ABCF2: variants seen among roughly 807,000 people sequenced by gnomAD.
ABCF2 encodes ATP-binding cassette sub-family F member 2.
In ABCF2, 37 loss-of-function variants were observed where a neutral mutation model predicts 76.9. The observed-to-expected ratio is 0.48, with a 90% CI of 0.37 to 0.63. The LOEUF (loss-of-function observed/expected upper bound fraction) is 0.63. Ranked by LOEUF, ABCF2 falls within the 30% of genes least tolerant of loss-of-function variation. The probability of loss-of-function intolerance (pLI) is 0.00; values close to 1 mark genes in which losing one functional copy is unlikely to be tolerated. For missense variants in ABCF2, 524 were observed against 782.1 expected, an observed-to-expected ratio of 0.67 and a Z score of 3.94; for synonymous variants, 299 against 283.7, an observed-to-expected ratio of 1.05 and a Z score of -0.54.
intron 5 of ABCF2, 128 bp downstream of exon 5, chr7:151,223,550 A>T (rs1802314465): frequency 9.1e-7 from 1 of 1,095,066 alleles, no homozygotes. Context: ...CCCCCTCCAC[A>T]CTGCAGATGT....
intron 5 of ABCF2, 132 bp downstream of exon 5, chr7:151,223,546 C>A: frequency 9.3e-7 from 1 of 1,075,282 alleles, no homozygotes; most frequent in Admixed American, 2.9e-5. Context: ...ACAACCCCCT[C>A]CACACTGCAG....
intron 11 of ABCF2, among the ~76,000 whole-genome samples, chr7:151,217,257 CTCAT>C (rs1305640806): frequency 6.6e-6 from 1 of 152,178 alleles, no homozygotes; most frequent in Non-Finnish European, 1.5e-5. Context: ...CACACCCGCA[CTCAT>C]TCAGACTGGA....
intron 6 of ABCF2, among the ~76,000 whole-genome samples, chr7:151,222,290 T>G (rs1241354587): frequency 6.7e-6 from 1 of 149,746 alleles, no homozygotes. Flanking sequence ...CCAACAAGGA[T>G]TTTTTTTAAA....
chr7:151,214,237 T>C lies in ABCF2; in HGVS notation c.1735-46A>G, dbSNP rs1366881720. On this transcript the variant is annotated intron_variant, in intron 14 of 14. Transcript: ENST00000287844. The surrounding 1 kb of genome is among the most constrained non-coding windows in gnomAD (Gnocchi z 4.9). ...TTAATCCTGGGCTAGTCACTGTCCC[T>C]GCCTCTGCCCAGCAGACTGTCCTGA... 1.9e-6 allele frequency: 3 copies of C among 1,613,884 alleles called. No individual in the cohort carries two copies. The highest frequency in any genetic ancestry group is 2.5e-6 in the Non-Finnish European group (3 of 1,179,888).
Position 151,211,823 on chromosome 7 carries a change from C to T in ABCF2, c.*2231G>A. The T allele has an allele frequency of 9.1e-6, 9 of 985,418 alleles. No homozygotes were observed. Among genetic ancestry groups the T allele is most frequent in the Non-Finnish European group, 1.1e-5 (9 of 829,912 alleles). 61.0% of individuals were successfully genotyped at this position (985,418 alleles called of 1,614,324 possible). A position where few individuals can be genotyped will look rare whatever the true frequency, so the allele number is the denominator to read the frequency against. ...GGCCCCACTTAAGGCATAAAGCAGTCAAGCCAGTACCCTCTGGGGTCAGAG... is the reference window on the plus strand; with the variant it reads ...GGCCCCACTTAAGGCATAAAGCAGTTAAGCCAGTACCCTCTGGGGTCAGAG... On this transcript the variant is annotated 3_prime_UTR_variant, in exon 15 of 15. Transcript: ENST00000287844.
Position 151,225,003 on chromosome 7 carries a change from G to C in ABCF2, c.155-15C>G, listed in dbSNP as rs191086574. On this transcript the variant is annotated splice_polypyrimidine_tract_variant and intron_variant, in intron 2 of 14. Transcript: ENST00000287844. ...CAAATCTACTTCTGCGGATAGAAAA[G>C]CAGTTTGGGAAGATGGCGTGAGACA... 1.2e-6 allele frequency: 2 copies of C among 1,612,696 alleles called. No individual in the cohort carries two copies.
chr7:151,213,479 C>T lies in ABCF2; in HGVS notation c.*575G>A. ...GTTGGCACTGCAGGGAGGAGAAGGC[C>T]CCAGAGACCCGAGAAGGAAGGTAGG... On this transcript the variant is annotated 3_prime_UTR_variant, in exon 15 of 15. Transcript: ENST00000287844. 1.0e-6 allele frequency: 1 copy of T among 985,754 alleles called. No homozygotes were observed. The highest frequency in any genetic ancestry group is 1.2e-6 in the Non-Finnish European group (1 of 830,248). The allele number at this position is 985,754 out of a possible 1,614,324, so 61.1% of individuals were successfully genotyped here.
At chr7:151,216,482 T>C (rs1453568512) in intron 11 of ABCF2, among the ~76,000 whole-genome samples, 1 of 152,218 alleles carries the variant, frequency 6.6e-6, no homozygotes, top group Non-Finnish European at 1.5e-5. Context: ...TCCTGCAGCA[T>C]TTTTGGTCAC....
chr7:151,220,387 CAAAA>C (rs10706364), intron 7 of ABCF2, among the ~76,000 whole-genome samples: 5 of 82,494 alleles, frequency 6.1e-5, no homozygotes, highest in African/African-American at 1.9e-4. Context: ...GACTCCAGCT[CAAAA>C]AAAAAAAAAA....
chr7:151,216,679 T>C (rs1802158346), intron 11 of ABCF2, among the ~76,000 whole-genome samples: 1 of 152,098 alleles, frequency 6.6e-6, no homozygotes, highest in Non-Finnish European at 1.5e-5. Flanking sequence ...CTGGCTAATT[T>C]TTTTTTTGCA....
Position 151,222,631 on chromosome 7 carries a change from A to G in ABCF2, c.723-15T>C. The G allele has an allele frequency of 6.2e-7, 1 of 1,604,108 alleles. No individual in the cohort carries two copies. The highest frequency in any genetic ancestry group is 8.5e-7 in the Non-Finnish European group (1 of 1,171,548). The stretch of plus-strand genomic sequence containing the variant: ...TAAAGAGGGCTCTGAAGGACGGTAA[A>G]GGAGACAGAAGCACCTCAGAATTAT... On this transcript the variant is annotated splice_polypyrimidine_tract_variant and intron_variant, in intron 5 of 14. Coordinates refer to ENST00000287844, the MANE Select transcript of ABCF2 (RefSeq NM_007189.3).
Position 151,222,686 on chromosome 7 carries a change from T to C in ABCF2, c.723-70A>G, listed in dbSNP as rs1403549415. On this transcript the variant is annotated intron_variant, in intron 5 of 14. Coordinates refer to ENST00000287844, the MANE Select transcript of ABCF2 (RefSeq NM_007189.3). Reference sequence around the variant, plus strand: ...GATGTGACACAGGACGGGACAAACTTGCCTGCTACATGCAATTCTGAGTAG... The same window carrying C: ...GATGTGACACAGGACGGGACAAACTCGCCTGCTACATGCAATTCTGAGTAG... 5 of 1,315,312 alleles carry C rather than the reference T, an allele frequency of 3.8e-6. No individual in the cohort carries two copies. In the South Asian group the frequency reaches 5.0e-5, roughly 13 times the overall value. The allele number at this position is 1,315,312 out of a possible 1,614,324, so 81.5% of individuals were successfully genotyped here.
rs1584843165 is a variant in ABCF2, at chr7:151,220,667, T to C, written c.921+911A>G. Among the ~76,000 whole-genome samples, 6 of 152,190 alleles carry C rather than the reference T, an allele frequency of 3.9e-5. 1 individual carries two copies. In the South Asian group the frequency reaches 1.2e-3, roughly 32 times the overall value. On this transcript the variant is annotated intron_variant, in intron 7 of 14. Transcript: ENST00000287844. ...GGTGGGGTAAATGTGTAGACTCCAGTGAAGCAGAATTAAGAAGGCATTCAA... is the reference window on the plus strand; with the variant it reads ...GGTGGGGTAAATGTGTAGACTCCAGCGAAGCAGAATTAAGAAGGCATTCAA...
intron 11 of ABCF2, among the ~76,000 whole-genome samples, chr7:151,216,593 C>T (rs568337610): frequency 3.9e-4 from 59 of 152,250 alleles, no homozygotes; most frequent in Middle Eastern, 3.4e-3. Flanking sequence ...GGCGAGATCT[C>T]GACTAACTGC....
At chr7:151,224,210 A>ATT (rs878980435) in intron 3 of ABCF2, 96 bp from the exon 4 acceptor site, 1,285 of 989,330 alleles carry the variant, frequency 1.3e-3, no homozygotes, top group African/African-American at 1.9e-3. Flanking sequence ...GACCTCATCC[A>ATT]TTTTTTTTTT....
chr7:151,218,911 C>A (rs759497008), intron 8 of ABCF2, 38 bp from the exon 9 acceptor site: 1 of 1,611,164 alleles, frequency 6.2e-7, no homozygotes. Context: ...TATGTGCAGG[C>A]GCTCAACAAT....
chr7:151,223,344 A>G (rs1802309539), intron 5 of ABCF2, among the ~76,000 whole-genome samples: 1 of 152,200 alleles, frequency 6.6e-6, no homozygotes, highest in Admixed American at 6.5e-5. Flanking sequence ...TTACAGCTGG[A>G]ATTAGCAGGA....
At chr7:151,225,698 A>C (rs570156016) in intron 2 of ABCF2, among the ~76,000 whole-genome samples, 2 of 152,244 alleles carry the variant, frequency 1.3e-5, no homozygotes, top group Non-Finnish European at 2.9e-5. Flanking sequence ...GGGGCAGGGA[A>C]GAGGGCTGGG....
chr7:151,213,195 C>A lies in ABCF2; in HGVS notation c.*859G>T, dbSNP rs1210928879. On this transcript the variant is annotated 3_prime_UTR_variant, in exon 15 of 15. Coordinates refer to ENST00000287844, the MANE Select transcript of ABCF2 (RefSeq NM_007189.3). ...CAGCAACAACAGCATCACCTGGAAA[C>A]TTGCTAGAAATGTTAACGTTCTTGG... is the stretch of plus-strand genomic sequence containing the variant. The A allele has an allele frequency of 1.0e-6, 1 of 983,890 alleles. No homozygotes were observed. The highest frequency in any genetic ancestry group is 6.1e-5 in the Admixed American group (1 of 16,270). 60.9% of individuals were successfully genotyped at this position (983,890 alleles called of 1,614,324 possible). A position where few individuals can be genotyped will look rare whatever the true frequency, so the allele number is the denominator to read the frequency against.
Sources: gnomAD v4.1 joint callset for allele counts (sites outside exome capture counted in the v4.1 genomes callset) on GRCh38, gnomAD v4.1.1 for gene constraint, Gnocchi (gnomAD v3.1) non-coding constraint, MANE v1.5 for transcripts, NCBI Gene and HGNC (gene_info 2026-07-23, HGNC 2026-07-21) for gene names.